CASP10: variants seen among roughly 807,000 people sequenced by gnomAD.
CASP10 encodes caspase 10.
CASP10 carries 41 observed loss-of-function variants against 48.5 expected under a neutral mutation model. That is an observed-to-expected ratio of 0.85 (90% CI 0.66 to 1.10). CASP10 has a LOEUF of 1.10. Ranked by LOEUF, CASP10 falls within the 50% of genes least tolerant of loss-of-function variation. The probability of loss-of-function intolerance (pLI) is 0.00; values close to 1 mark genes in which losing one functional copy is unlikely to be tolerated. For synonymous variants in CASP10, 232 were observed against 238.4 expected (o/e 0.97, Z 0.25); for missense variants, 614 against 614.5 (o/e 1.00, Z 0.01).
At chr2:201,188,458 G>A (rs1944491360) in intron 3 of CASP10, among the ~76,000 whole-genome samples, 1 of 152,200 alleles carries the variant, frequency 6.6e-6, no homozygotes, top group African/African-American at 2.4e-5. Flanking sequence ...GGGATTACAG[G>A]TGTGAGTCAC....
intron 3 of CASP10, among the ~76,000 whole-genome samples, chr2:201,190,058 T>G (rs915206716): frequency 4.6e-5 from 7 of 152,184 alleles, no homozygotes; most frequent in African/African-American, 1.7e-4. Flanking sequence ...GTTTGGTTCC[T>G]AAGTCATTTT....
downstream of CASP10, among the ~76,000 whole-genome samples, chr2:201,223,260 G>A (rs1050280665): frequency 1.3e-5 from 2 of 152,136 alleles, no homozygotes; most frequent in East Asian, 3.8e-4. Context: ...TCTGTTTGAA[G>A]CTTGCTTCAC....
At chr2:201,226,835 A>C (rs1945793690) in intron 9 of CASP10, among the ~76,000 whole-genome samples, 1 of 152,216 alleles carries the variant, frequency 6.6e-6, no homozygotes, top group African/African-American at 2.4e-5. Flanking sequence ...ACCATATGAA[A>C]TTGCCATTCT....
rs1042450635 is a variant in CASP10 at position 201,227,802 on chromosome 2, G to A, written c.1416-1131G>A. On this transcript the variant is annotated intron_variant, in intron 9 of 9. Coordinates refer to the CASP10 transcript ENST00000272879. ...TGTTGATCTCCTGACCTTGTGATCC[G>A]CCCGTCTCGGTCTCCCAAAGTGCTG... Among the ~76,000 whole-genome samples the A allele has an allele frequency of 3.3e-5, 5 of 150,460 alleles. No individual in the cohort carries two copies. The South Asian group carries it at 1.1e-3, about 32-fold the overall frequency.
At chr2:201,217,032 T>C (rs762840209) in intron 9 of CASP10, among the ~76,000 whole-genome samples, 2 of 152,194 alleles carry the variant, frequency 1.3e-5, no homozygotes, top group Non-Finnish European at 2.9e-5. Flanking sequence ...CATTCTGCCT[T>C]GTGTTATGAA....
chr2:201,201,812 T>A (rs576957517), intron 5 of CASP10, among the ~76,000 whole-genome samples: 5 of 152,260 alleles, frequency 3.3e-5, no homozygotes, highest in South Asian at 2.1e-4. Context: ...ATTTTTTTTT[T>A]AAATTTAAAA....
chr2:201,193,540 A>G (rs1434079164), intron 4 of CASP10: 1 of 218,248 alleles, frequency 4.6e-6, no homozygotes. Context: ...TTCTGATAAT[A>G]TTCTGCTAGG....
At chr2:201,183,591 A>T (rs1353631164) in intron 1 of CASP10, among the ~76,000 whole-genome samples, 1 of 152,220 alleles carries the variant, frequency 6.6e-6, no homozygotes, top group Non-Finnish European at 1.5e-5. Context: ...CAAATGCTAG[A>T]TGCGGTAGAA....
At chr2:201,210,241 C>T (rs1442912946) in intron 9 of CASP10, among the ~76,000 whole-genome samples, 1 of 152,198 alleles carries the variant, frequency 6.6e-6, no homozygotes, top group African/African-American at 2.4e-5. Flanking sequence ...CCTCTTGGCA[C>T]CTTTAGCCAT....
At chr2:201,204,325 G>A (rs948533411) in intron 6 of CASP10, among the ~76,000 whole-genome samples, 2 of 152,174 alleles carry the variant, frequency 1.3e-5, no homozygotes, top group African/African-American at 4.8e-5. Context: ...TCTGTGGTAT[G>A]TAAAGTTTGT....
Position 201,219,423 on chromosome 2 carries a change from G to T in CASP10, c.*1682G>T. The T allele has an allele frequency of 1.0e-6, 1 of 985,414 alleles. No individual in the cohort carries two copies. The highest frequency in any genetic ancestry group is 1.2e-6 in the Non-Finnish European group (1 of 829,926). 61.0% of individuals were successfully genotyped at this position (985,414 alleles called of 1,614,324 possible). ...TGGCTTCAGGCAAAGCTTGAATCAG[G>T]ACTCAATCTACAGGCCAGCACCTTT... On this transcript the variant is annotated 3_prime_UTR_variant, in exon 10 of 10. Transcript: ENST00000286186.
chr2:201,187,771 T>A lies in CASP10; in HGVS notation c.413T>A (p.Leu138Gln). The A allele has an allele frequency of 6.2e-7, 1 of 1,614,108 alleles. No homozygotes were observed. Among genetic ancestry groups the A allele is most frequent in the Admixed American group, 1.7e-5 (1 of 60,018 alleles). The change falls in exon 3 of 10, where the codon CTG (leucine) becomes CAG (glutamine). Residue 138 changes from leucine (L) to glutamine (Q), a missense_variant. Leu to Gln is a moderately radical substitution (Grantham distance 113). Coordinates refer to ENST00000286186, the MANE Select transcript of CASP10 (RefSeq NM_032977.4). The stretch of plus-strand genomic sequence containing the variant: ...AACTTAAAGGACATGATCTTCCTTC[T>A]GAAAGACTCGCTTCCCAAAACTGAA... Reference protein sequence around the residue: ...SENLKDMIFLLKDSLPKTEMT... With the variant: ...SENLKDMIFLQKDSLPKTEMT...
chr2:201,200,331 C>A (rs1576103634), intron 5 of CASP10: 2 of 927,770 alleles, frequency 2.2e-6, no homozygotes, highest in Non-Finnish European at 3.3e-6. Flanking sequence ...TGTGATCCAG[C>A]ATTTACTATG....
At position 201,220,545 on chromosome 2, in the gene CASP10, A is replaced by C. The variant is rs1559316836; in HGVS notation, c.*2804A>C. 1 of 159,774 alleles carries C rather than the reference A, an allele frequency of 6.3e-6. No homozygotes were observed. Among genetic ancestry groups the C allele is most frequent in the Non-Finnish European group, 1.3e-5 (1 of 74,970 alleles). 9.9% of individuals were successfully genotyped at this position (159,774 alleles called of 1,614,324 possible). ...ACTCTCCCTCCCAGATAAGCACAGCAAAGAGACATAGAAGCAATCCAAGCC... is the reference window on the plus strand; with the variant it reads ...ACTCTCCCTCCCAGATAAGCACAGCCAAGAGACATAGAAGCAATCCAAGCC... On this transcript the variant is annotated 3_prime_UTR_variant, in exon 10 of 10. Coordinates refer to ENST00000286186, the MANE Select transcript of CASP10 (RefSeq NM_032977.4).
rs375585576 is a variant in CASP10 at position 201,194,650 on chromosome 2, T to TCCCA, written c.578-1191_578-1188dup. Among the ~76,000 whole-genome samples, 758 of 152,326 alleles carry TCCCA rather than the reference T, an allele frequency of 5.0e-3. 8 individuals are homozygous for TCCCA. Among genetic ancestry groups the TCCCA allele is most frequent in the African/African-American group, 0.017 (712 of 41,580 alleles). ...ATTGTCATTTTTCTGTAATGCCATA[T>TCCCA]CCCATATAAAGTAAACATAGGGCAA... is the stretch of plus-strand genomic sequence containing the variant. On this transcript the variant is annotated intron_variant, in intron 4 of 9. Coordinates refer to ENST00000286186, the MANE Select transcript of CASP10 (RefSeq NM_032977.4).
chr2:201,193,813 C>CTA (rs1553576366), intron 4 of CASP10, among the ~76,000 whole-genome samples: 1 of 152,168 alleles, frequency 6.6e-6, no homozygotes, highest in Non-Finnish European at 1.5e-5. Context: ...AGAGTGGACT[C>CTA]TATAGAGTCG....
At chr2:201,199,426 G>A (rs1944929560) in intron 5 of CASP10, among the ~76,000 whole-genome samples, 1 of 151,954 alleles carries the variant, frequency 6.6e-6, no homozygotes, top group South Asian at 2.1e-4. Flanking sequence ...CGAGGTGGGA[G>A]GACCACTTGA....
At chr2:201,204,379 G>A (rs1465843239) in intron 6 of CASP10, among the ~76,000 whole-genome samples, 3 of 152,064 alleles carry the variant, frequency 2.0e-5, no homozygotes, top group African/African-American at 7.3e-5. Context: ...TTATCCTTCA[G>A]AGTCCAAGAC....
downstream of CASP10, among the ~76,000 whole-genome samples, chr2:201,225,710 G>A (rs546962021): frequency 1.2e-4 from 19 of 152,262 alleles, no homozygotes; most frequent in East Asian, 1.7e-3. Context: ...GGTGGCTCGC[G>A]CCTGTAATCC....
Sources: allele counts gnomAD v4.1 joint callset (sites outside exome capture counted in the v4.1 genomes callset), GRCh38; gene constraint gnomAD v4.1.1; transcripts MANE v1.5; gene names NCBI Gene and HGNC (gene_info 2026-07-23, HGNC 2026-07-21).